APBA1: variants seen among roughly 807,000 people sequenced by gnomAD.
The protein encoded by APBA1 is amyloid-beta A4 precursor protein-binding family A member 1.
In APBA1, 55 loss-of-function variants were observed where a neutral mutation model predicts 86.6. That is an observed-to-expected ratio of 0.64 (90% CI 0.51 to 0.80). The LOEUF (loss-of-function observed/expected upper bound fraction) is 0.80. APBA1 is among the 30% of genes least tolerant of loss of function. The pLI, the probability that APBA1 is intolerant of heterozygous loss-of-function variation, is 0.00. For missense variants in APBA1, 1,090 were observed against 1,183.0 expected, an observed-to-expected ratio of 0.92 and a Z score of 1.15; for synonymous variants, 511 against 493.9, an observed-to-expected ratio of 1.03 and a Z score of -0.46.
chr9:69,595,400 G>A (rs941107940), intron 1 of APBA1, among the ~76,000 whole-genome samples: 1 of 152,150 alleles, frequency 6.6e-6, no homozygotes, highest in African/African-American at 2.4e-5. Flanking sequence ...TAATGGAATT[G>A]TAGTTAATAG....
intron 12 of APBA1, among the ~76,000 whole-genome samples, chr9:69,432,025 C>CAGTGATGACTGACAGT (rs1302524355): frequency 1.3e-5 from 2 of 151,340 alleles, no homozygotes; most frequent in Non-Finnish European, 2.9e-5. Flanking sequence ...TGAATGACAG[C>CAGTGATGACTGACAGT]AGTGATGACT....
intron 1 of APBA1, among the ~76,000 whole-genome samples, chr9:69,622,148 A>G (rs1395341675): frequency 6.6e-6 from 1 of 152,236 alleles, no homozygotes; most frequent in East Asian, 1.9e-4. Context: ...GATGTCACCC[A>G]TATGTGAGAT....
chr9:69,491,579 T>G (rs915216638), intron 2 of APBA1, among the ~76,000 whole-genome samples: 3 of 149,950 alleles, frequency 2.0e-5, no homozygotes, highest in Non-Finnish European at 4.4e-5. Context: ...ATTGTGCACA[T>G]GTACCCTAGA....
intron 1 of APBA1, among the ~76,000 whole-genome samples, chr9:69,660,982 G>GT (rs1250059073): frequency 1.3e-5 from 2 of 152,212 alleles, no homozygotes; most frequent in African/African-American, 2.4e-5. Context: ...CCCACTGCCT[G>GT]TTTGTGTACT....
chr9:69,592,025 A>T (rs779900361), intron 1 of APBA1, among the ~76,000 whole-genome samples: 4 of 152,200 alleles, frequency 2.6e-5, no homozygotes, highest in Non-Finnish European at 5.9e-5. Context: ...CTTTGATAGG[A>T]TGGGTGCTTT....
chr9:69,527,513 T>C (rs1307636356), intron 1 of APBA1, among the ~76,000 whole-genome samples: 2 of 152,140 alleles, frequency 1.3e-5, no homozygotes, highest in East Asian at 1.9e-4. Context: ...TTTCTGATTA[T>C]GAAGCAGAAG....
In APBA1 at chr9:69,449,705, T is replaced by C; in HGVS notation, c.2060A>G (p.Asn687Ser). ...GSILPTVIIANMMHGGPAEKS... is the reference protein window; with the variant it reads ...GSILPTVIIASMMHGGPAEKS... ...CTCCGCAGGGCCACCATGCATCATGTTGGCAATGATCACGGTGGGGAGGAT... is the reference window on the plus strand; with the variant it reads ...CTCCGCAGGGCCACCATGCATCATGCTGGCAATGATCACGGTGGGGAGGAT... The change falls in exon 10 of 13, where the codon AAC becomes AGC. Residue 687 changes from asparagine to serine, a missense_variant. Asn to Ser is a conservative substitution (Grantham distance 46). Coordinates refer to ENST00000265381, the MANE Select transcript of APBA1 (RefSeq NM_001163.4). 6.2e-7 allele frequency: 1 copy of C among 1,613,964 alleles called. No individual in the cohort carries two copies. Among genetic ancestry groups the C allele is most frequent in the Non-Finnish European group, 8.5e-7 (1 of 1,179,900 alleles).
chr9:69,586,253 C>T (rs1301588828), intron 1 of APBA1, among the ~76,000 whole-genome samples: 1 of 152,204 alleles, frequency 6.6e-6, no homozygotes, highest in Non-Finnish European at 1.5e-5. Context: ...ATTGGCATCT[C>T]CTTGCCCCTT....
intron 10 of APBA1, among the ~76,000 whole-genome samples, chr9:69,447,079 T>A (rs1410470162): frequency 6.6e-6 from 1 of 152,182 alleles, no homozygotes; most frequent in Non-Finnish European, 1.5e-5. Context: ...GATGGCCAAC[T>A]TCTAGCATCT....
intron 1 of APBA1, among the ~76,000 whole-genome samples, chr9:69,652,535 A>G (rs1201254853): frequency 6.6e-6 from 1 of 152,268 alleles, no homozygotes; most frequent in Non-Finnish European, 1.5e-5. Context: ...ACTTAGCCAC[A>G]AAGACAGTAA....
intron 1 of APBA1, among the ~76,000 whole-genome samples, chr9:69,605,483 C>T (rs1158058300): frequency 2.0e-5 from 3 of 152,180 alleles, no homozygotes; most frequent in Admixed American, 1.3e-4. Flanking sequence ...CAAGAGTGGC[C>T]TCCCTAGTCT....
chr9:69,651,115 C>T (rs547761893), intron 1 of APBA1, among the ~76,000 whole-genome samples: 1 of 152,204 alleles, frequency 6.6e-6, no homozygotes, highest in Non-Finnish European at 1.5e-5. Context: ...CGTGTAATAA[C>T]ATGTATGTAT....
chr9:69,452,322 G>A (rs1250479597), intron 8 of APBA1, 21 bp from the exon 9 acceptor site: 5 of 1,612,864 alleles, frequency 3.1e-6, no homozygotes, highest in Non-Finnish European at 4.2e-6. Flanking sequence ...AGCCAGAGAG[G>A]AAAGATGGTC....
chr9:69,672,874 G>C (rs4744931), upstream of APBA1: 1 of 152,312 alleles, frequency 6.6e-6, no homozygotes, highest in East Asian at 1.9e-4. Context: ...AACGGGCCAC[G>C]CTGCAGGACC....
intron 1 of APBA1, among the ~76,000 whole-genome samples, chr9:69,562,152 T>G (rs946567807): frequency 2.0e-5 from 3 of 152,190 alleles, no homozygotes; most frequent in Non-Finnish European, 4.4e-5. Flanking sequence ...TATCCTGATT[T>G]TATCATTATA....
chr9:69,643,438 A>G (rs1823328419), intron 1 of APBA1, among the ~76,000 whole-genome samples: 1 of 152,172 alleles, frequency 6.6e-6, no homozygotes, highest in South Asian at 2.1e-4. Context: ...TATAGAATTC[A>G]AGAGCATGAA....
At chr9:69,649,114 T>G (rs1823446286) in intron 1 of APBA1, among the ~76,000 whole-genome samples, 1 of 152,184 alleles carries the variant, frequency 6.6e-6, no homozygotes, top group Non-Finnish European at 1.5e-5. Flanking sequence ...CTCTCCAGCC[T>G]TCTGCCAGCA....
At chr9:69,585,152 T>A (rs1473163488) in intron 1 of APBA1, among the ~76,000 whole-genome samples, 1 of 152,204 alleles carries the variant, frequency 6.6e-6, no homozygotes, top group African/African-American at 2.4e-5. Flanking sequence ...TTAGGTGATA[T>A]AAACAGCAAA....
At chr9:69,513,244 C>A (rs964121370) in intron 2 of APBA1, among the ~76,000 whole-genome samples, 16 of 152,324 alleles carry the variant, frequency 1.1e-4, no homozygotes, top group African/African-American at 3.8e-4. Context: ...AAACAGCATG[C>A]AAGAGAATTA....
Sources: allele counts gnomAD v4.1 joint callset (sites outside exome capture counted in the v4.1 genomes callset), GRCh38; gene constraint gnomAD v4.1.1; transcripts MANE v1.5; gene names NCBI Gene and HGNC (gene_info 2026-07-23, HGNC 2026-07-21).